RGS7: variants seen among roughly 807,000 people sequenced by gnomAD.
The protein encoded by RGS7 is regulator of G-protein signaling 7.
A neutral mutation model predicts 81.1 loss-of-function variants in RGS7; 27 were observed. That is an observed-to-expected ratio of 0.33 (90% CI 0.25 to 0.46). The LOEUF is 0.46. RGS7 is among the 20% of genes least tolerant of loss of function. The probability of loss-of-function intolerance (pLI) is 1.00; values close to 1 mark genes in which losing one functional copy is unlikely to be tolerated. For synonymous variants in RGS7, 208 were observed against 207.7 expected, an observed-to-expected ratio of 1.00 and a Z score of -0.01; for missense variants, 396 against 607.4, an observed-to-expected ratio of 0.65 and a Z score of 3.66.
chr1:241,151,565 C>G (rs1392415896), intron 2 of RGS7, among the ~76,000 whole-genome samples: 2 of 116,478 alleles, frequency 1.7e-5, no homozygotes, highest in Non-Finnish European at 3.6e-5. Flanking sequence ...ATTAGGAACT[C>G]TTTTTTTTTT....
At chr1:241,244,562 T>C (rs9724646) in intron 2 of RGS7, among the ~76,000 whole-genome samples, 1 of 151,866 alleles carries the variant, frequency 6.6e-6, no homozygotes, top group Non-Finnish European at 1.5e-5. Context: ...TCCTCAAGGA[T>C]CTAGAACTAG....
intron 3 of RGS7, among the ~76,000 whole-genome samples, chr1:241,087,530 T>C (rs1280686239): frequency 2.0e-5 from 3 of 152,188 alleles, no homozygotes; most frequent in Admixed American, 6.5e-5. Flanking sequence ...AGTGGGTACA[T>C]GGAAGCTTCC....
chr1:241,107,850 G>A (rs895494935), intron 2 of RGS7, among the ~76,000 whole-genome samples: 1 of 152,148 alleles, frequency 6.6e-6, no homozygotes, highest in African/African-American at 2.4e-5. Context: ...GAGTTGGAAG[G>A]GGTGCTGGGC....
chr1:241,203,311 C>CA (rs2073653367), intron 2 of RGS7, among the ~76,000 whole-genome samples: 2 of 152,098 alleles, frequency 1.3e-5, no homozygotes, highest in African/African-American at 4.8e-5. Flanking sequence ...CGGCTCACTG[C>CA]AACTTCCACC....
chr1:241,039,580 C>A (rs1378639155), intron 3 of RGS7, among the ~76,000 whole-genome samples: 2 of 150,898 alleles, frequency 1.3e-5, no homozygotes, highest in Non-Finnish European at 3.0e-5. Context: ...TTTTTTTTCC[C>A]CCTTGGCATG....
At chr1:241,157,821 C>CTTTTTT (rs67249227) in intron 2 of RGS7, among the ~76,000 whole-genome samples, 51 of 94,700 alleles carry the variant, frequency 5.4e-4, no homozygotes, top group East Asian at 1.0e-3. Context: ...CTTTTCTTTT[C>CTTTTTT]TTTTTTTTTT....
intron 3 of RGS7, among the ~76,000 whole-genome samples, chr1:241,053,034 C>T (rs1174259064): frequency 4.6e-5 from 7 of 152,004 alleles, no homozygotes; most frequent in Admixed American, 3.9e-4. Context: ...AAGGGGAATC[C>T]CTTATCCTAA....
rs200288828 is a variant in RGS7 at position 240,784,654 on chromosome 1, A to G, written c.*7-8441T>C. On this transcript the variant is annotated intron_variant, in intron 18 of 18. Transcript: ENST00000440928. ...GAATAAGACTCCGCCTCAAAAAAAAAAAGATTTTTTTTTTTTTGAAAAAAA... is the reference window on the plus strand; with the variant it reads ...GAATAAGACTCCGCCTCAAAAAAAAGAAGATTTTTTTTTTTTTGAAAAAAA... Among the ~76,000 whole-genome samples, 65 of 146,572 alleles carry G rather than the reference A, an allele frequency of 4.4e-4. 2 individuals carry two copies. In the East Asian group the frequency reaches 0.012, roughly 27 times the overall value.
At chr1:240,944,567 T>G (rs1402667670) in intron 4 of RGS7, among the ~76,000 whole-genome samples, 1 of 151,946 alleles carries the variant, frequency 6.6e-6, no homozygotes, top group Non-Finnish European at 1.5e-5. Context: ...GCAGAGGAGT[T>G]TCTACAGCAT....
At chr1:241,189,610 A>ATC (rs1421399487) in intron 2 of RGS7, among the ~76,000 whole-genome samples, 5 of 152,148 alleles carry the variant, frequency 3.3e-5, no homozygotes, top group Non-Finnish European at 7.4e-5. Flanking sequence ...TAGATTCTGA[A>ATC]TATTTTTTGC....
intron 18 of RGS7, among the ~76,000 whole-genome samples, chr1:240,784,656 A>T (rs202222106): frequency 6.9e-6 from 1 of 144,498 alleles, no homozygotes; most frequent in African/African-American, 2.8e-5. Flanking sequence ...AAAAAAAAAA[A>T]GATTTTTTTT....
chr1:241,098,753 C>T lies in RGS7; in HGVS notation c.88G>A (p.Val30Ile), dbSNP rs758148829. 21 of 1,607,968 alleles carry T rather than the reference C, an allele frequency of 1.3e-5. No individual in the cohort carries two copies. Among genetic ancestry groups the T allele is most frequent in the Admixed American group, 3.3e-5 (2 of 59,982 alleles). ...TTTTCATCTTGCATCCGTGCTATGACGTCTTCCATCTAAACAATAATAACA... is the reference window on the plus strand; with the variant it reads ...TTTTCATCTTGCATCCGTGCTATGATGTCTTCCATCTAAACAATAATAACA... Reference protein sequence around the residue: ...NMLVYRKMEDVIARMQDEKNG... With the variant: ...NMLVYRKMEDIIARMQDEKNG... Residue 30 changes from valine to isoleucine, a missense_variant, in exon 3 of 19, where the codon GTC (valine) becomes ATC (isoleucine). Physicochemically the swap from Val to Ile is conservative, Grantham distance 29. Transcript: ENST00000440928.
At chr1:241,150,220 T>C (rs527922835) in intron 2 of RGS7, among the ~76,000 whole-genome samples, 21 of 152,354 alleles carry the variant, frequency 1.4e-4, no homozygotes, top group African/African-American at 4.6e-4. Context: ...TTTGAGAATA[T>C]AAACTATAGT....
chr1:240,817,252 T>C (rs993719068), intron 10 of RGS7, among the ~76,000 whole-genome samples: 1 of 152,212 alleles, frequency 6.6e-6, no homozygotes, highest in Non-Finnish European at 1.5e-5. Flanking sequence ...TATTATTCCT[T>C]TAAAATAAAG....
At chr1:241,113,828 G>T (rs57404317) in intron 2 of RGS7, among the ~76,000 whole-genome samples, 13,145 of 152,100 alleles carry the variant, frequency 0.086, 809 homozygotes, top group East Asian at 0.28. Flanking sequence ...CTGAGATGAC[G>T]CTATTTCTAA....
chr1:241,295,767 G>A (rs776591513), intron 2 of RGS7, among the ~76,000 whole-genome samples: 5 of 152,304 alleles, frequency 3.3e-5, no homozygotes, highest in East Asian at 1.9e-4. Context: ...TGGATTAGAG[G>A]TGAGTGGCTA....
At chr1:240,832,485 A>G (rs1572317693) in intron 9 of RGS7, among the ~76,000 whole-genome samples, 1 of 152,378 alleles carries the variant, frequency 6.6e-6, no homozygotes, top group South Asian at 2.1e-4. Flanking sequence ...TACTACTGTC[A>G]TAACATTTAC....
chr1:241,275,597 T>C (rs1375317000), intron 2 of RGS7, among the ~76,000 whole-genome samples: 2 of 152,194 alleles, frequency 1.3e-5, no homozygotes, highest in Admixed American at 6.5e-5. Flanking sequence ...TCTTTACTAG[T>C]GGACTCAGAT....
At chr1:240,820,223 A>C (rs1328072102) in intron 10 of RGS7, among the ~76,000 whole-genome samples, 1 of 152,230 alleles carries the variant, frequency 6.6e-6, no homozygotes, top group African/African-American at 2.4e-5. Flanking sequence ...GCAGCTGGGG[A>C]AAATCAAATT....
Sources: allele counts gnomAD v4.1 joint callset (sites outside exome capture counted in the v4.1 genomes callset), GRCh38; gene constraint gnomAD v4.1.1; transcripts MANE v1.5; gene names NCBI Gene and HGNC (gene_info 2026-07-23, HGNC 2026-07-21).